ROBO2: variants seen among roughly 807,000 people sequenced by gnomAD.
ROBO2 encodes the protein roundabout homolog 2.
Under a neutral mutation model 160.8 loss-of-function variants are expected in ROBO2, and 53 were observed. The observed-to-expected ratio is 0.33, with a 90% CI of 0.26 to 0.41. ROBO2 has a LOEUF of 0.41. ROBO2 is among the 10% of genes least tolerant of loss of function. The pLI, the probability that ROBO2 is intolerant of heterozygous loss-of-function variation, is 1.00. For missense variants in ROBO2, 1,577 were observed against 1,722.4 expected (o/e 0.92, Z 1.49); for synonymous variants, 664 against 611.7 (o/e 1.09, Z -1.26).
At chr3:76,234,648 G>T (rs533903370) in intron 2 of ROBO2, among the ~76,000 whole-genome samples, 1 of 151,990 alleles carries the variant, frequency 6.6e-6, no homozygotes, top group African/African-American at 2.4e-5. Context: ...ACATGTTTTC[G>T]TATGCTTGTC....
chr3:76,890,185 C>T (rs2074235869), intron 2 of ROBO2, among the ~76,000 whole-genome samples: 1 of 152,056 alleles, frequency 6.6e-6, no homozygotes, highest in African/African-American at 2.4e-5. Flanking sequence ...TGAGCTATTA[C>T]CAAGTGCCAG....
intron 2 of ROBO2, among the ~76,000 whole-genome samples, chr3:76,274,506 G>T (rs1214332069): frequency 6.6e-6 from 1 of 152,066 alleles, no homozygotes; most frequent in East Asian, 1.9e-4. Flanking sequence ...AATACAGATT[G>T]TTATTCAATC....
At chr3:77,173,372 T>A (rs2079822183) in intron 2 of ROBO2, among the ~76,000 whole-genome samples, 1 of 56,582 alleles carries the variant, frequency 1.8e-5, no homozygotes, top group Non-Finnish European at 5.0e-5. Context: ...ACATTATAAT[T>A]TTTTTTCAAA....
chr3:76,469,248 T>C (rs1444209345), intron 2 of ROBO2, among the ~76,000 whole-genome samples: 1 of 152,068 alleles, frequency 6.6e-6, no homozygotes, highest in East Asian at 1.9e-4. Context: ...ATGATGAGGA[T>C]GATGATAATT....
At chr3:77,538,807 A>T (rs987595990) in intron 6 of ROBO2, 1 of 448,872 alleles carries the variant, frequency 2.2e-6, no homozygotes, top group Non-Finnish European at 4.4e-6. Flanking sequence ...GTAAACATTT[A>T]TCTCTTACTA....
chr3:75,907,429 C>T (rs1946394897), intron 1 of ROBO2, among the ~76,000 whole-genome samples: 1 of 152,074 alleles, frequency 6.6e-6, no homozygotes, highest in Non-Finnish European at 1.5e-5. Flanking sequence ...TTCCTTTCCA[C>T]CTAATTTACC....
At chr3:76,642,971 T>C (rs998675462) in intron 2 of ROBO2, among the ~76,000 whole-genome samples, 1 of 152,152 alleles carries the variant, frequency 6.6e-6, no homozygotes, top group Non-Finnish European at 1.5e-5. Flanking sequence ...TAAAATGAGA[T>C]GGAAAATTAC....
At chr3:77,316,971 T>C in intron 2 of ROBO2, 1 of 1,433,648 alleles carries the variant, frequency 7.0e-7, no homozygotes, top group East Asian at 2.3e-5. Flanking sequence ...TGTTTCCTGC[T>C]GTCCAGACGA....
chr3:77,589,704 G>T (rs901723210), intron 17 of ROBO2, among the ~76,000 whole-genome samples: 6 of 152,142 alleles, frequency 3.9e-5, no homozygotes, highest in East Asian at 1.9e-4. Flanking sequence ...ACACAAAATT[G>T]TAAAGTCAGT....
chr3:76,354,998 A>G (rs1159422861), intron 2 of ROBO2, among the ~76,000 whole-genome samples: 1 of 151,388 alleles, frequency 6.6e-6, no homozygotes, highest in Non-Finnish European at 1.5e-5. Context: ...CCATGCATAT[A>G]TCTGGATATG....
chr3:76,053,796 T>C (rs2067737376), intron 2 of ROBO2, among the ~76,000 whole-genome samples: 1 of 152,114 alleles, frequency 6.6e-6, no homozygotes, highest in Non-Finnish European at 1.5e-5. Flanking sequence ...AATCCTGGCT[T>C]CCTGATGATA....
chr3:76,971,573 G>A (rs1359643205), intron 2 of ROBO2, among the ~76,000 whole-genome samples: 2 of 151,974 alleles, frequency 1.3e-5, no homozygotes, highest in Non-Finnish European at 2.9e-5. Flanking sequence ...AAATAAAAAG[G>A]GTACACCTGT....
At chr3:77,384,325 A>G (rs2073879232) in intron 2 of ROBO2, among the ~76,000 whole-genome samples, 1 of 152,200 alleles carries the variant, frequency 6.6e-6, no homozygotes. Flanking sequence ...GGCTTACACT[A>G]AAGTTATTAA....
intron 2 of ROBO2, among the ~76,000 whole-genome samples, chr3:76,986,191 T>C (rs146546784): frequency 2.0e-4 from 31 of 152,268 alleles, no homozygotes; most frequent in African/African-American, 6.5e-4. Flanking sequence ...AGGCAAAATA[T>C]CTATTTAAAT....
intron 2 of ROBO2, among the ~76,000 whole-genome samples, chr3:76,612,191 G>A (rs147340201): frequency 6.6e-6 from 1 of 152,304 alleles, no homozygotes; most frequent in African/African-American, 2.4e-5. Context: ...CTATCCTTGA[G>A]AATGTTCCCT....
intron 2 of ROBO2, among the ~76,000 whole-genome samples, chr3:76,137,843 T>A (rs2071488254): frequency 6.6e-6 from 1 of 151,916 alleles, no homozygotes; most frequent in South Asian, 2.1e-4. Flanking sequence ...ATATATATAT[T>A]TTTCTAACCA....
At chr3:77,621,167 T>A (rs760978864) in intron 22 of ROBO2, among the ~76,000 whole-genome samples, 17 of 152,192 alleles carry the variant, frequency 1.1e-4, no homozygotes, top group Non-Finnish European at 2.1e-4. Flanking sequence ...AGCTCATGCC[T>A]GTAATCCCAG....
chr3:76,541,432 AC>A (rs1245772405), intron 2 of ROBO2, among the ~76,000 whole-genome samples: 1 of 152,152 alleles, frequency 6.6e-6, no homozygotes, highest in Non-Finnish European at 1.5e-5. Flanking sequence ...TTTCTCACAT[AC>A]CTAAGATGTA....
chr3:77,577,348 G>C, intron 14 of ROBO2, 142 bp from the exon 16 acceptor site: 1 of 899,300 alleles, frequency 1.1e-6, no homozygotes, highest in Non-Finnish European at 1.8e-6. Context: ...CAAAAAAACT[G>C]TCACTGTTGA....
Sources: allele counts gnomAD v4.1 joint callset (sites outside exome capture counted in the v4.1 genomes callset), GRCh38; gene constraint gnomAD v4.1.1; transcripts MANE v1.5; gene names NCBI Gene and HGNC (gene_info 2026-07-23, HGNC 2026-07-21).